RBFOX1: variants seen among roughly 807,000 people sequenced by gnomAD.
RBFOX1 encodes RNA binding protein fox-1 homolog 1.
Under a neutral mutation model 57.7 loss-of-function variants are expected in RBFOX1, and 8 were observed. The ratio of observed to expected loss-of-function variants is 0.14; its 90% confidence interval spans 0.08 to 0.25. The LOEUF is 0.25. RBFOX1 is among the 10% of genes least tolerant of loss of function. RBFOX1 has a pLI of 1.00. For synonymous variants in RBFOX1, 326 were observed against 222.4 expected (o/e 1.47, Z -4.15); for missense variants, 611 against 548.5 (o/e 1.11, Z -1.14).
intron 2 of RBFOX1, among the ~76,000 whole-genome samples, chr16:6,415,930 T>C (rs2152979932): frequency 6.6e-6 from 1 of 152,346 alleles, no homozygotes; most frequent in Non-Finnish European, 1.5e-5. Flanking sequence ...CTTGGTTTAA[T>C]CAGGATATCA....
intron 4 of RBFOX1, among the ~76,000 whole-genome samples, chr16:7,262,313 AT>A (rs556478826): frequency 4.1e-4 from 60 of 146,402 alleles, no homozygotes; most frequent in South Asian, 2.0e-3. Context: ...CCATTTCTCT[AT>A]TTTTTTTTTC....
At chr16:7,335,685 G>C (rs1017348124) in intron 4 of RBFOX1, among the ~76,000 whole-genome samples, 2 of 151,980 alleles carry the variant, frequency 1.3e-5, no homozygotes, top group African/African-American at 4.8e-5. Context: ...GCAGTGGATG[G>C]AGGTATTTAC....
At chr16:7,003,137 G>A (rs935265813) in intron 3 of RBFOX1, among the ~76,000 whole-genome samples, 7 of 152,032 alleles carry the variant, frequency 4.6e-5, no homozygotes, top group Non-Finnish European at 8.8e-5. Context: ...GTTTAAAGAA[G>A]AATGAAAGAT....
intron 1 of RBFOX1, among the ~76,000 whole-genome samples, chr16:5,248,674 A>G (rs2062365954): frequency 6.6e-6 from 1 of 152,112 alleles, no homozygotes; most frequent in South Asian, 2.1e-4. Flanking sequence ...TGTTCGGGGG[A>G]GACTGCAAAG....
chr16:5,581,042 A>G (rs1281610740), intron 2 of RBFOX1, among the ~76,000 whole-genome samples: 1 of 152,176 alleles, frequency 6.6e-6, no homozygotes, highest in Non-Finnish European at 1.5e-5. Context: ...TGGATTTTTA[A>G]TGAACCGGAA....
chr16:6,761,538 T>G (rs11077085), intron 3 of RBFOX1, among the ~76,000 whole-genome samples: 11 of 118,638 alleles, frequency 9.3e-5, no homozygotes, highest in Non-Finnish European at 1.3e-4. Flanking sequence ...GACAGAGTCT[T>G]GCTCTGTCAC....
intron 4 of RBFOX1, among the ~76,000 whole-genome samples, chr16:7,376,006 G>A (rs981735076): frequency 3.9e-5 from 6 of 152,166 alleles, no homozygotes; most frequent in African/African-American, 1.4e-4. Context: ...CAGGGAATGG[G>A]ATCTTTTACC....
chr16:6,651,658 A>G (rs1035385365), intron 2 of RBFOX1, among the ~76,000 whole-genome samples: 1 of 152,192 alleles, frequency 6.6e-6, no homozygotes, highest in African/African-American at 2.4e-5. Flanking sequence ...TGGTTCCTCA[A>G]AAAATGAAAC....
At chr16:7,677,277 C>T (rs1192425713) in intron 14 of RBFOX1, among the ~76,000 whole-genome samples, 1 of 152,068 alleles carries the variant, frequency 6.6e-6, no homozygotes, top group Admixed American at 6.6e-5. Flanking sequence ...TTCCTTTTTA[C>T]AAGGTCTTAT....
intron 1 of RBFOX1, among the ~76,000 whole-genome samples, chr16:6,129,643 A>G (rs1332096607): frequency 6.6e-6 from 1 of 151,830 alleles, no homozygotes; most frequent in Non-Finnish European, 1.5e-5. Flanking sequence ...AAAGTTAATG[A>G]AAAACATCCA....
rs564118286 is a variant in RBFOX1, at chr16:6,878,368, A to G, written c.-15-173689A>G. On this transcript the variant is annotated intron_variant, in intron 3 of 15. Coordinates refer to ENST00000550418, the MANE Select transcript of RBFOX1 (RefSeq NM_018723.4). ...ATGCAAGAGTTTCTAGAAATTTCTT[A>G]TCTCTCTGATATGGTGGCTAGAAAT... Among the ~76,000 whole-genome samples, 7 of 152,314 alleles carry G rather than the reference A, an allele frequency of 4.6e-5. No homozygotes were observed. In the South Asian group the frequency reaches 1.5e-3, roughly 32 times the overall value.
chr16:7,520,767 G>A (rs1258426101), intron 5 of RBFOX1, among the ~76,000 whole-genome samples: 1 of 152,136 alleles, frequency 6.6e-6, no homozygotes, highest in East Asian at 1.9e-4. Flanking sequence ...CTGTTTGTTG[G>A]CTATTTTGTG....
intron 3 of RBFOX1, among the ~76,000 whole-genome samples, chr16:5,713,492 T>G: frequency 6.6e-6 from 1 of 152,192 alleles, no homozygotes; most frequent in East Asian, 1.9e-4. Flanking sequence ...TCCCCAAATA[T>G]CTCATCTTTG....
chr16:5,288,750 A>T (rs1403838398), intron 1 of RBFOX1, among the ~76,000 whole-genome samples: 1 of 151,742 alleles, frequency 6.6e-6, no homozygotes, highest in African/African-American at 2.4e-5. Flanking sequence ...TTGATAGGGC[A>T]TGGGGGCAAG....
chr16:7,480,918 A>T (rs187485024), intron 4 of RBFOX1, among the ~76,000 whole-genome samples: 78 of 151,666 alleles, frequency 5.1e-4, no homozygotes, highest in African/African-American at 1.8e-3. Context: ...AGGGAGGGGC[A>T]GGGGTAGGGG....
At chr16:5,580,461 C>G (rs757516642) in intron 2 of RBFOX1, among the ~76,000 whole-genome samples, 3 of 152,228 alleles carry the variant, frequency 2.0e-5, no homozygotes, top group Non-Finnish European at 2.9e-5. Flanking sequence ...GATGGCCCCA[C>G]TTCACCGCCT....
chr16:7,671,002 C>G (rs1460238806), intron 13 of RBFOX1, among the ~76,000 whole-genome samples: 2 of 152,160 alleles, frequency 1.3e-5, no homozygotes, highest in Admixed American at 6.5e-5. Flanking sequence ...ACTCACAGTT[C>G]TCTAGTCTGA....
chr16:7,673,681 A>C (rs2146254049), intron 13 of RBFOX1, among the ~76,000 whole-genome samples: 1 of 152,286 alleles, frequency 6.6e-6, no homozygotes, highest in Non-Finnish European at 1.5e-5. Flanking sequence ...TGGTGGCCTC[A>C]CTCATTTGGT....
At chr16:6,663,429 C>T (rs1225718796) in intron 3 of RBFOX1, among the ~76,000 whole-genome samples, 4 of 152,162 alleles carry the variant, frequency 2.6e-5, no homozygotes, top group Non-Finnish European at 4.4e-5. Context: ...CTATTAGTGC[C>T]AGTCTCTTGC....
Sources: allele counts gnomAD v4.1 joint callset (sites outside exome capture counted in the v4.1 genomes callset), GRCh38; gene constraint gnomAD v4.1.1; transcripts MANE v1.5; gene names NCBI Gene and HGNC (gene_info 2026-07-23, HGNC 2026-07-21).